The following SGCZ variants were observed in gnomAD, a reference collection of about 807,000 sequenced individuals.
SGCZ encodes the protein zeta-sarcoglycan.
A neutral mutation model predicts 41.3 loss-of-function variants in SGCZ; 40 were observed. That is an observed-to-expected ratio of 0.97 (90% CI 0.75 to 1.26). The LOEUF (loss-of-function observed/expected upper bound fraction) is 1.26. Ranked by LOEUF, SGCZ falls within the 50% of genes most tolerant of loss-of-function variation. SGCZ has a pLI of 0.00. For missense variants in SGCZ, 552 were observed against 369.8 expected (o/e 1.49, Z -4.04); for synonymous variants, 206 against 137.5 (o/e 1.50, Z -3.49).
chr8:14,920,086 C>G (rs569835726), intron 1 of SGCZ, among the ~76,000 whole-genome samples: 1 of 152,140 alleles, frequency 6.6e-6, no homozygotes, highest in African/African-American at 2.4e-5. Context: ...ATCAGACTAA[C>G]TGCCATTTAT....
chr8:14,300,690 T>A (rs547266673), intron 3 of SGCZ, among the ~76,000 whole-genome samples: 2 of 152,040 alleles, frequency 1.3e-5, no homozygotes, highest in African/African-American at 4.8e-5. Context: ...TATGAGAGTA[T>A]AATGTGGTTA....
At chr8:15,127,275 CACACACACACACAT>C (rs1585591202) in intron 1 of SGCZ, among the ~76,000 whole-genome samples, 1 of 142,830 alleles carries the variant, frequency 7.0e-6, no homozygotes, top group South Asian at 2.1e-4. Flanking sequence ...CACACACACA[CACACACACACACAT>C]ATACATACAT....
intron 2 of SGCZ, among the ~76,000 whole-genome samples, chr8:14,356,771 C>T (rs565372311): frequency 6.6e-5 from 10 of 151,946 alleles, no homozygotes; most frequent in African/African-American, 2.4e-4. Context: ...CAAGAAAATA[C>T]GATTGCAAAT....
intron 5 of SGCZ, among the ~76,000 whole-genome samples, chr8:14,138,324 A>G (rs1262365772): frequency 2.0e-5 from 3 of 152,132 alleles, no homozygotes; most frequent in Non-Finnish European, 4.4e-5. Context: ...AAATTCAAAC[A>G]TAACATAACA....
chr8:14,557,417 A>G (rs914578546), intron 1 of SGCZ, among the ~76,000 whole-genome samples: 7 of 151,912 alleles, frequency 4.6e-5, no homozygotes, highest in Admixed American at 3.9e-4. Flanking sequence ...TGTAATGCAA[A>G]AGCTCTTCAA....
chr8:14,102,891 T>C (rs1334896130), intron 6 of SGCZ, among the ~76,000 whole-genome samples: 1 of 152,138 alleles, frequency 6.6e-6, no homozygotes, highest in Non-Finnish European at 1.5e-5. Flanking sequence ...GGAGGTTTAA[T>C]AAAAAATTTA....
chr8:14,291,383 T>C (rs1800836452), intron 3 of SGCZ, among the ~76,000 whole-genome samples: 1 of 152,112 alleles, frequency 6.6e-6, no homozygotes, highest in Non-Finnish European at 1.5e-5. Context: ...ACAGGATTTA[T>C]ACATGTAGTA....
At chr8:15,035,889 G>A (rs1197804030) in intron 1 of SGCZ, among the ~76,000 whole-genome samples, 3 of 152,030 alleles carry the variant, frequency 2.0e-5, no homozygotes, top group African/African-American at 7.2e-5. Flanking sequence ...TTAACAGCAT[G>A]AGAACTTTAA....
At chr8:14,529,659 A>G (rs1803064814) in intron 2 of SGCZ, among the ~76,000 whole-genome samples, 1 of 152,104 alleles carries the variant, frequency 6.6e-6, no homozygotes, top group South Asian at 2.1e-4. Context: ...TTTTGCCCTA[A>G]TATTTCTATC....
intron 7 of SGCZ, among the ~76,000 whole-genome samples, chr8:14,091,791 C>G (rs1801696319): frequency 6.6e-6 from 1 of 152,146 alleles, no homozygotes. Flanking sequence ...CCTGTTCACT[C>G]TGATGATAGT....
At chr8:15,062,190 TTAAG>T (rs1804963687) in intron 1 of SGCZ, among the ~76,000 whole-genome samples, 1 of 152,142 alleles carries the variant, frequency 6.6e-6, no homozygotes, top group African/African-American at 2.4e-5. Flanking sequence ...TTTAAAAGCA[TTAAG>T]TTTTTATTAT....
intron 1 of SGCZ, among the ~76,000 whole-genome samples, chr8:14,689,089 T>G (rs1808715869): frequency 6.6e-6 from 1 of 152,162 alleles, no homozygotes; most frequent in African/African-American, 2.4e-5. Context: ...CTTTTCTATG[T>G]TAGCACTAGG....
chr8:14,423,860 C>T (rs908475472), intron 2 of SGCZ, among the ~76,000 whole-genome samples: 19 of 152,040 alleles, frequency 1.2e-4, no homozygotes, highest in Non-Finnish European at 2.4e-4. Context: ...CTTTCTCTGC[C>T]ACCATTTTTT....
chr8:14,447,347 A>G (rs1347527776), intron 2 of SGCZ, among the ~76,000 whole-genome samples: 2 of 152,186 alleles, frequency 1.3e-5, no homozygotes, highest in Non-Finnish European at 2.9e-5. Context: ...AAAAATACAA[A>G]TCTTGAGCCA....
chr8:14,487,189 T>C (rs1801699176), intron 2 of SGCZ, among the ~76,000 whole-genome samples: 2 of 152,200 alleles, frequency 1.3e-5, no homozygotes, highest in Admixed American at 1.3e-4. Context: ...CCTTTAACAC[T>C]TGACTTGTGT....
intron 2 of SGCZ, among the ~76,000 whole-genome samples, chr8:14,423,483 G>A (rs924222824): frequency 1.3e-5 from 2 of 151,928 alleles, no homozygotes; most frequent in African/African-American, 4.8e-5. Flanking sequence ...ATGGTGCAAT[G>A]TCGACTCACC....
At chr8:14,434,012 T>G (rs1365255236) in intron 2 of SGCZ, among the ~76,000 whole-genome samples, 2 of 152,236 alleles carry the variant, frequency 1.3e-5, no homozygotes, top group African/African-American at 4.8e-5. Flanking sequence ...CTGCATTTGA[T>G]TTTGGGTTCT....
intron 2 of SGCZ, among the ~76,000 whole-genome samples, chr8:14,446,761 C>A (rs917713571): frequency 6.6e-6 from 1 of 152,128 alleles, no homozygotes; most frequent in African/African-American, 2.4e-5. Context: ...AGTCTTCATG[C>A]ACCCTGGTAT....
At chr8:14,285,553 G>A (rs1383720932) in intron 3 of SGCZ, among the ~76,000 whole-genome samples, 1 of 147,074 alleles carries the variant, frequency 6.8e-6, no homozygotes, top group Non-Finnish European at 1.5e-5. Flanking sequence ...TGAAAAAATA[G>A]GTCCTATCTA....
Sources: gnomAD v4.1 joint callset for allele counts (sites outside exome capture counted in the v4.1 genomes callset) on GRCh38, gnomAD v4.1.1 for gene constraint, MANE v1.5 for transcripts, NCBI Gene and HGNC (gene_info 2026-07-23, HGNC 2026-07-21) for gene names.